The following PTPRD variants were observed in gnomAD, a reference collection of about 807,000 sequenced individuals.
The protein encoded by PTPRD is receptor-type tyrosine-protein phosphatase delta.
Under a neutral mutation model 214.5 loss-of-function variants are expected in PTPRD, and 34 were observed. The observed-to-expected ratio is 0.16, with a 90% CI of 0.12 to 0.21. The LOEUF is 0.21. Ranked by LOEUF, PTPRD falls within the 10% of genes least tolerant of loss-of-function variation. The pLI, the probability that PTPRD is intolerant of heterozygous loss-of-function variation, is 1.00. For missense variants in PTPRD, 2,545 were observed against 2,398.7 expected (o/e 1.06, Z -1.27); for synonymous variants, 1,128 against 845.7 (o/e 1.33, Z -5.79).
At chr9:8,768,069 G>C (rs1162975004) in intron 11 of PTPRD, among the ~76,000 whole-genome samples, 1 of 152,174 alleles carries the variant, frequency 6.6e-6, no homozygotes, top group Non-Finnish European at 1.5e-5. Flanking sequence ...AACAAAGACA[G>C]TTGTTACTAT....
At chr9:9,107,438 T>C (rs2099800200) in intron 10 of PTPRD, among the ~76,000 whole-genome samples, 1 of 152,180 alleles carries the variant, frequency 6.6e-6, no homozygotes, top group South Asian at 2.1e-4. Flanking sequence ...ATAATGTGGT[T>C]GTAGGAAGAG....
At chr9:10,016,524 C>T (rs1018356849) in intron 4 of PTPRD, among the ~76,000 whole-genome samples, 1 of 152,058 alleles carries the variant, frequency 6.6e-6, no homozygotes, top group South Asian at 2.1e-4. Flanking sequence ...AGAATAGTCT[C>T]AAAGCATGTC....
At chr9:9,071,066 A>G (rs555146587) in intron 10 of PTPRD, among the ~76,000 whole-genome samples, 6 of 152,236 alleles carry the variant, frequency 3.9e-5, no homozygotes, top group Admixed American at 2.0e-4. Context: ...GGCATGCACC[A>G]CCATACCCAG....
rs1486271245 is a variant in PTPRD, at chr9:9,101,068, A to T, written c.-143+82236T>A. ...AAAAATCAGCACATACAAGATGTAAATATGAAATCTGAACCAATTGGCCAA... is the reference window on the plus strand; with the variant it reads ...AAAAATCAGCACATACAAGATGTAATTATGAAATCTGAACCAATTGGCCAA... On this transcript the variant is annotated intron_variant, in intron 10 of 45. Transcript: ENST00000381196. Among the ~76,000 whole-genome samples, 6 of 149,886 alleles carry T rather than the reference A, an allele frequency of 4.0e-5. No homozygotes were observed. The Admixed American group carries it at 4.1e-4, about 10-fold the overall frequency.
chr9:8,874,335 C>T (rs1223498088), intron 11 of PTPRD, among the ~76,000 whole-genome samples: 2 of 151,338 alleles, frequency 1.3e-5, no homozygotes, highest in Non-Finnish European at 3.0e-5. Flanking sequence ...AGATGTTCAT[C>T]AAGTGTGACT....
intron 3 of PTPRD, among the ~76,000 whole-genome samples, chr9:10,240,447 G>C (rs2099643779): frequency 6.6e-6 from 1 of 151,918 alleles, no homozygotes; most frequent in African/African-American, 2.4e-5. Flanking sequence ...TACAGGAAAA[G>C]AGAATGAAAG....
intron 2 of PTPRD, among the ~76,000 whole-genome samples, chr9:10,449,243 G>A (rs956065033): frequency 1.3e-5 from 2 of 151,898 alleles, no homozygotes; most frequent in African/African-American, 2.4e-5. Context: ...GTTTCGCCGC[G>A]TTGGCCGGGC....
intron 2 of PTPRD, among the ~76,000 whole-genome samples, chr9:10,401,705 G>A (rs2098272526): frequency 6.7e-6 from 1 of 149,468 alleles, no homozygotes; most frequent in Non-Finnish European, 1.5e-5. Flanking sequence ...ATGGCATTCA[G>A]ATATAAAAAA....
At chr9:8,388,913 GT>G (rs1338019563) in intron 37 of PTPRD, among the ~76,000 whole-genome samples, 1 of 151,826 alleles carries the variant, frequency 6.6e-6, no homozygotes, top group Non-Finnish European at 1.5e-5. Context: ...TTGTTCAATG[GT>G]GTTTTTGAAA....
intron 5 of PTPRD, among the ~76,000 whole-genome samples, chr9:9,867,680 A>G (rs976746558): frequency 6.6e-6 from 1 of 152,184 alleles, no homozygotes; most frequent in African/African-American, 2.4e-5. Context: ...AGGTGGAGAA[A>G]AGTATCCGGA....
At chr9:8,845,952 T>G (rs2097686907) in intron 11 of PTPRD, among the ~76,000 whole-genome samples, 1 of 152,196 alleles carries the variant, frequency 6.6e-6, no homozygotes, top group African/African-American at 2.4e-5. Context: ...ATGAGGCCCC[T>G]TAAAACGAAA....
At chr9:10,214,615 G>T (rs938987744) in intron 3 of PTPRD, among the ~76,000 whole-genome samples, 1 of 151,818 alleles carries the variant, frequency 6.6e-6, no homozygotes, top group African/African-American at 2.4e-5. Flanking sequence ...TGCATATAGG[G>T]AAATTGGCTG....
chr9:10,082,380 T>C (rs183093571), intron 3 of PTPRD, among the ~76,000 whole-genome samples: 5 of 152,210 alleles, frequency 3.3e-5, no homozygotes, highest in Non-Finnish European at 5.9e-5. Context: ...AGAGCAATCA[T>C]CCTACATAAG....
At chr9:10,530,646 C>G (rs1422397665) in intron 2 of PTPRD, among the ~76,000 whole-genome samples, 1 of 151,736 alleles carries the variant, frequency 6.6e-6, no homozygotes, top group East Asian at 1.9e-4. Context: ...GGGACTATGG[C>G]AAAATAATAA....
At chr9:10,303,330 C>T (rs1212025512) in intron 3 of PTPRD, among the ~76,000 whole-genome samples, 2 of 151,990 alleles carry the variant, frequency 1.3e-5, no homozygotes, top group Non-Finnish European at 2.9e-5. Flanking sequence ...ATTCGATACC[C>T]TAACATCACA....
chr9:9,027,300 T>C (rs1021394827), intron 10 of PTPRD, among the ~76,000 whole-genome samples: 2 of 151,902 alleles, frequency 1.3e-5, no homozygotes, highest in Admixed American at 6.6e-5. Flanking sequence ...TAGATAGATA[T>C]ACAATGTATA....
intron 8 of PTPRD, among the ~76,000 whole-genome samples, chr9:9,473,545 A>AC (rs1197438342): frequency 6.6e-6 from 1 of 151,990 alleles, no homozygotes; most frequent in Admixed American, 6.6e-5. Context: ...TATCTAAGAA[A>AC]CCCCCATCCT....
chr9:9,821,643 T>G (rs943983621), intron 5 of PTPRD, among the ~76,000 whole-genome samples: 1 of 152,092 alleles, frequency 6.6e-6, no homozygotes, highest in Non-Finnish European at 1.5e-5. Flanking sequence ...CTGATATTGT[T>G]GCCACACGTA....
At chr9:9,125,596 A>T (rs2099829553) in intron 10 of PTPRD, among the ~76,000 whole-genome samples, 1 of 152,218 alleles carries the variant, frequency 6.6e-6, no homozygotes, top group African/African-American at 2.4e-5. Context: ...TATCTGGCAC[A>T]AAATAGGTGC....
Sources: gnomAD v4.1 joint callset for allele counts (sites outside exome capture counted in the v4.1 genomes callset) on GRCh38, gnomAD v4.1.1 for gene constraint, MANE v1.5 for transcripts, NCBI Gene and HGNC (gene_info 2026-07-23, HGNC 2026-07-21) for gene names.